Variants in FNBP1 observed in about 807,000 individuals in gnomAD.
FNBP1 encodes the protein formin-binding protein 1.
Under a neutral mutation model 90.6 loss-of-function variants are expected in FNBP1, and 26 were observed. That is an observed-to-expected ratio of 0.29 (90% CI 0.21 to 0.40). The LOEUF is 0.40. Ranked by LOEUF, FNBP1 falls within the 10% of genes least tolerant of loss-of-function variation. The pLI, the probability that FNBP1 is intolerant of heterozygous loss-of-function variation, is 1.00. For missense variants in FNBP1, 635 were observed against 768.0 expected, an observed-to-expected ratio of 0.83 and a Z score of 2.05; for synonymous variants, 260 against 265.2, an observed-to-expected ratio of 0.98 and a Z score of 0.19.
intron 4 of FNBP1, among the ~76,000 whole-genome samples, chr9:129,961,347 A>G (rs1212526576): frequency 6.6e-6 from 1 of 152,114 alleles, no homozygotes; most frequent in East Asian, 1.9e-4. Flanking sequence ...ACAAACAAGT[A>G]GAGAGACTAA....
chr9:130,024,074 C>T (rs974536981), intron 1 of FNBP1, among the ~76,000 whole-genome samples: 1 of 152,114 alleles, frequency 6.6e-6, no homozygotes, highest in Non-Finnish European at 1.5e-5. Flanking sequence ...AGCTTGTGAG[C>T]TGGGTGGGGT....
At chr9:130,012,164 C>T (rs2056696047) in intron 1 of FNBP1, among the ~76,000 whole-genome samples, 1 of 152,216 alleles carries the variant, frequency 6.6e-6, no homozygotes, top group African/African-American at 2.4e-5. Flanking sequence ...GGCTAAGAAT[C>T]TGGATTCTGG....
At chr9:129,996,417 A>G (rs1403845792) in intron 1 of FNBP1, among the ~76,000 whole-genome samples, 1 of 152,188 alleles carries the variant, frequency 6.6e-6, no homozygotes, top group African/African-American at 2.4e-5. Flanking sequence ...GGAATTCTCC[A>G]TGGAAAATTT....
intron 10 of FNBP1, among the ~76,000 whole-genome samples, chr9:129,916,654 A>C (rs1421981937): frequency 6.6e-6 from 1 of 151,974 alleles, no homozygotes; most frequent in African/African-American, 2.4e-5. Flanking sequence ...ATATAATCAC[A>C]CAACCTTTTG....
At chr9:129,969,390 C>T (rs2049090418) in intron 4 of FNBP1, among the ~76,000 whole-genome samples, 1 of 152,098 alleles carries the variant, frequency 6.6e-6, no homozygotes, top group Non-Finnish European at 1.5e-5. Context: ...AATCTCAGCC[C>T]ACACACAATG....
intron 2 of FNBP1, among the ~76,000 whole-genome samples, chr9:129,988,488 C>T (rs530279169): frequency 1.3e-5 from 2 of 152,066 alleles, no homozygotes; most frequent in Admixed American, 1.3e-4. Context: ...ACCAGCCTGG[C>T]CAATATGGTG....
At chr9:130,047,789 A>G (rs1447794613), upstream of FNBP1, among the ~76,000 whole-genome samples, 2 of 152,188 alleles carry the variant, frequency 1.3e-5, no homozygotes, top group Non-Finnish European at 2.9e-5. Context: ...GTGTGGTTAG[A>G]GGCAAACAAT....
chr9:129,927,319 C>T lies in FNBP1; in HGVS notation c.665G>A (p.Arg222Lys). ...IFQKIQEMEE[R>K]RIVRMGESMK... ...GGACTCTCCCATTCTCACAATCCTC[C>T]TTTCCTCCATCTCTTGTATTTTCTG... Residue 222 changes from arginine (R) to lysine (K), a missense_variant, in exon 8 of 17, where the codon AGG becomes AAG. By Grantham distance (26) the Arg-to-Lys change is conservative. Transcript: ENST00000446176. 1 of 1,612,588 alleles carries T rather than the reference C, an allele frequency of 6.2e-7. No individual in the cohort carries two copies. Among genetic ancestry groups the T allele is most frequent in the Non-Finnish European group, 8.5e-7 (1 of 1,179,196 alleles).
At chr9:129,986,619 G>T (rs888459721) in intron 2 of FNBP1, among the ~76,000 whole-genome samples, 1 of 151,148 alleles carries the variant, frequency 6.6e-6, no homozygotes, top group Non-Finnish European at 1.5e-5. Context: ...GTGAAACCCC[G>T]TCTCTATTAA....
chr9:129,941,242 A>G (rs2044280075), intron 6 of FNBP1, among the ~76,000 whole-genome samples: 1 of 151,756 alleles, frequency 6.6e-6, no homozygotes, highest in Non-Finnish European at 1.5e-5. Context: ...TACAAAAATT[A>G]GCCGTGCATG....
chr9:129,958,723 G>A (rs924929199), intron 4 of FNBP1, among the ~76,000 whole-genome samples, 170 bp from the exon 5 acceptor site: 5 of 151,846 alleles, frequency 3.3e-5, no homozygotes. Flanking sequence ...GCTCACATCT[G>A]TAATCCCAGA....
At position 129,949,055 on chromosome 9, in the gene FNBP1, C is replaced by T. The variant is rs75165995; in HGVS notation, c.513+8305G>A. ...GAGAGTAAGGATGTCTAGTCCACCTCGTTGAAAGGGCAGCAGGGGAGCCTG... is the reference window on the plus strand; with the variant it reads ...GAGAGTAAGGATGTCTAGTCCACCTTGTTGAAAGGGCAGCAGGGGAGCCTG... On this transcript the variant is annotated intron_variant, in intron 6 of 16. Coordinates refer to ENST00000446176, the MANE Select transcript of FNBP1 (RefSeq NM_015033.3). Among the ~76,000 whole-genome samples the T allele has an allele frequency of 9.6e-3, 1,455 of 152,092 alleles. 24 individuals carry two copies. Among genetic ancestry groups the T allele is most frequent in the African/African-American group, 0.033 (1,378 of 41,480 alleles).
intron 4 of FNBP1, among the ~76,000 whole-genome samples, chr9:129,958,985 C>CAAAAA (rs60640596): frequency 0.013 from 116 of 9,156 alleles, 22 homozygotes; most frequent in African/African-American, 0.042. Context: ...AACTCTGCCT[C>CAAAAA]AAAAAAAAAA....
At chr9:129,991,675 T>A (rs1250770987) in intron 2 of FNBP1, among the ~76,000 whole-genome samples, 1 of 149,750 alleles carries the variant, frequency 6.7e-6, no homozygotes, top group Non-Finnish European at 1.5e-5. Context: ...TTTTTTTTTC[T>A]TTGAGATGGC....
At chr9:129,971,280 T>G (rs754779219) in intron 4 of FNBP1, among the ~76,000 whole-genome samples, 1 of 152,128 alleles carries the variant, frequency 6.6e-6, no homozygotes, top group Non-Finnish European at 1.5e-5. Context: ...TTCATAACAT[T>G]AAAATGAACT....
intron 10 of FNBP1, among the ~76,000 whole-genome samples, chr9:129,917,745 A>C (rs1236568906): frequency 6.6e-6 from 1 of 152,238 alleles, no homozygotes; most frequent in African/African-American, 2.4e-5. Flanking sequence ...ATTTTAAAGG[A>C]AAGAACCAGA....
Position 129,890,148 on chromosome 9 carries a change from G to A in FNBP1, c.*391C>T, listed in dbSNP as rs994981560. On this transcript the variant is annotated 3_prime_UTR_variant, in exon 17 of 17. Coordinates refer to ENST00000446176, the MANE Select transcript of FNBP1 (RefSeq NM_015033.3). The surrounding 1 kb of genome is among the most constrained non-coding windows in gnomAD (Gnocchi z 5.8). ...CTGGACCTGCCTTGTCTCCTCAGGG[G>A]ACCCGTGATGACACTTTCACAAAAG... 3 of 349,872 alleles carry A rather than the reference G, an allele frequency of 8.6e-6. No individual in the cohort carries two copies. The highest frequency in any genetic ancestry group is 5.4e-5 in the South Asian group (1 of 18,432). The allele number at this position is 349,872 out of a possible 1,614,324, so 21.7% of individuals were successfully genotyped here. A position where few individuals can be genotyped will look rare whatever the true frequency, so the allele number is the denominator to read the frequency against.
At position 129,889,586 on chromosome 9, in the gene FNBP1, A is replaced by C. The variant is rs993319641; in HGVS notation, c.*953T>G. ...CTCCCGTCTCAAAAAAAAAAAAAAA[A>C]CAACAACAAAAAAGGAAGTGCTACC... On this transcript the variant is annotated 3_prime_UTR_variant, in exon 17 of 17. Coordinates refer to ENST00000446176, the MANE Select transcript of FNBP1 (RefSeq NM_015033.3). 9.6e-6 allele frequency: 2 copies of C among 208,426 alleles called. No individual in the cohort carries two copies. The highest frequency in any genetic ancestry group is 4.7e-5 in the African/African-American group (2 of 42,890). 12.9% of individuals were successfully genotyped at this position (208,426 alleles called of 1,614,324 possible). A position where few individuals can be genotyped will look rare whatever the true frequency, so the allele number is the denominator to read the frequency against.
At chr9:129,906,911 C>G (rs1414784646) in intron 12 of FNBP1, among the ~76,000 whole-genome samples, 1 of 152,120 alleles carries the variant, frequency 6.6e-6, no homozygotes, top group Non-Finnish European at 1.5e-5. Context: ...TCCCTAGTAG[C>G]TGGGATTACA....
Sources: gnomAD v4.1 joint callset for allele counts (sites outside exome capture counted in the v4.1 genomes callset) on GRCh38, gnomAD v4.1.1 for gene constraint, Gnocchi (gnomAD v3.1) non-coding constraint, MANE v1.5 for transcripts, NCBI Gene and HGNC (gene_info 2026-07-23, HGNC 2026-07-21) for gene names.